SPEN: variants seen among roughly 807,000 people sequenced by gnomAD.
SPEN encodes the protein spen family transcriptional repressor.
Under a neutral mutation model 269.9 loss-of-function variants are expected in SPEN, and 18 were observed. The ratio of observed to expected loss-of-function variants is 0.07; its 90% CI spans 0.05 to 0.10. The LOEUF is 0.10. Ranked by LOEUF, SPEN falls within the 10% of genes least tolerant of loss-of-function variation. The pLI, the probability that SPEN is intolerant of heterozygous loss-of-function variation, is 1.00. For missense variants in SPEN, 3,822 were observed against 4,631.2 expected (o/e 0.83, Z 5.07); for synonymous variants, 1,726 against 1,765.7 (o/e 0.98, Z 0.56).
At position 15,933,941 on chromosome 1, in the gene SPEN, C is replaced by T. The variant is rs751023845; in HGVS notation, c.7701C>T (p.Cys2567=). The change falls in exon 11 of 15, where the codon TGC becomes TGT. Residue 2567 remains cysteine (C), a synonymous_variant. Transcript: ENST00000375759. The surrounding 1 kb of genome is among the most constrained non-coding windows in gnomAD (Gnocchi z 5.7). ...CAGAGCCTGTCAGTGCTGCCCCTTG[C>T]CTACATGAGGCCCCGCCCCCGCCAG... The part of the protein sequence containing the change: ...AIAEPVSAAP[C]LHEAPPPPVD... 2 of 1,614,026 alleles carry T rather than the reference C, an allele frequency of 1.2e-6. No homozygotes were observed. Among genetic ancestry groups the T allele is most frequent in the Non-Finnish European group, 1.7e-6 (2 of 1,179,958 alleles).
At position 15,931,896 on chromosome 1, in the gene SPEN, G is replaced by A. The variant is rs1157751918; in HGVS notation, c.5656G>A (p.Asp1886Asn). 1 of 1,614,120 alleles carries A rather than the reference G, an allele frequency of 6.2e-7. No homozygotes were observed. Among genetic ancestry groups the A allele is most frequent in the East Asian group, 2.2e-5 (1 of 44,904 alleles). Residue 1886 changes from aspartate to asparagine, a missense_variant, in exon 11 of 15, where the codon GAC becomes AAC. By Grantham distance (23) the Asp-to-Asn change is conservative. Coordinates refer to ENST00000375759, the MANE Select transcript of SPEN (RefSeq NM_015001.3). The surrounding 1 kb of genome is among the most constrained non-coding windows in gnomAD (Gnocchi z 4.8). Reference sequence around the variant, plus strand: ...GACTGCTTCTAAAAACTCTGCTGCAGACCTTGAACATCCCGAACCAAGTTT... The same window carrying A: ...GACTGCTTCTAAAAACTCTGCTGCAAACCTTGAACATCCCGAACCAAGTTT... The part of the protein sequence containing the change: ...TRTASKNSAA[D>N]LEHPEPSLPL...
chr1:15,910,935 A>G (rs1206743404), intron 4 of SPEN, among the ~76,000 whole-genome samples, 166 bp from the exon 5 acceptor site: 2 of 152,202 alleles, frequency 1.3e-5, no homozygotes, highest in Non-Finnish European at 2.9e-5. Context: ...TTGGGTTTTC[A>G]TGCTGTGTGA....
intron 1 of SPEN, among the ~76,000 whole-genome samples, chr1:15,865,073 A>G (rs1039688958): frequency 2.0e-5 from 3 of 151,458 alleles, no homozygotes; most frequent in African/African-American, 7.3e-5. Context: ...TTTTTTTGAG[A>G]TGGAGTCTCA....
chr1:15,861,718 C>T (rs1557735106), intron 1 of SPEN, among the ~76,000 whole-genome samples: 1 of 151,862 alleles, frequency 6.6e-6, no homozygotes, highest in Non-Finnish European at 1.5e-5. Context: ...CTTTAAACAT[C>T]CTCTCACCTT....
chr1:15,867,411 T>G (rs953982469), intron 1 of SPEN, among the ~76,000 whole-genome samples: 7 of 152,318 alleles, frequency 4.6e-5, no homozygotes, highest in African/African-American at 1.4e-4. Flanking sequence ...TTGCGCAGGC[T>G]GGTCTCCAAT....
chr1:15,865,911 C>G (rs1451336255), intron 1 of SPEN, among the ~76,000 whole-genome samples: 2 of 147,538 alleles, frequency 1.4e-5, no homozygotes, highest in African/African-American at 5.0e-5. Flanking sequence ...CTCACTCTTG[C>G]CCAAACTGTA....
At chr1:15,898,307 C>A (rs1251619836) in intron 3 of SPEN, among the ~76,000 whole-genome samples, 1 of 151,802 alleles carries the variant, frequency 6.6e-6, no homozygotes, top group African/African-American at 2.4e-5. Flanking sequence ...CCATCTATCT[C>A]CAGAACTTTT....
At chr1:15,901,188 TAAA>T (rs986794679) in intron 3 of SPEN, among the ~76,000 whole-genome samples, 4 of 138,898 alleles carry the variant, frequency 2.9e-5, no homozygotes, top group African/African-American at 1.1e-4. Context: ...CCTCGTCCCT[TAAA>T]AAAAAAAAAG....
At chr1:15,918,796 G>GT (rs1463170187) in intron 6 of SPEN, 130 bp from the exon 7 acceptor site, 8 of 708,504 alleles carry the variant, frequency 1.1e-5, no homozygotes, top group Middle Eastern at 4.0e-4. Flanking sequence ...AAGGTGTACA[G>GT]TTTTTTTAAC....
chr1:15,872,122 C>T (rs772134219), intron 1 of SPEN, among the ~76,000 whole-genome samples: 65 of 150,558 alleles, frequency 4.3e-4, no homozygotes, highest in Non-Finnish European at 8.0e-4. Context: ...CCTGTAATCC[C>T]GGCTTCTTGG....
chr1:15,895,459 A>G (rs1251926350), intron 3 of SPEN, among the ~76,000 whole-genome samples: 2 of 152,098 alleles, frequency 1.3e-5, no homozygotes, highest in Admixed American at 1.3e-4. Context: ...TTAGCATAAT[A>G]TTTTCAAGGC....
chr1:15,933,439 C>T lies in SPEN; in HGVS notation c.7199C>T (p.Ser2400Phe), dbSNP rs988832507. 4 of 1,614,032 alleles carry T rather than the reference C, an allele frequency of 2.5e-6. No homozygotes were observed. In the African/African-American group the frequency reaches 4.0e-5, roughly 16 times the overall value. Residue 2400 changes from serine (S) to phenylalanine (F), a missense_variant, in exon 11 of 15, where the codon TCT (serine) becomes TTT (phenylalanine). By Grantham distance (155) the Ser-to-Phe change is radical. This residue lies in a region of SPEN where 727 missense variants were observed against 737.9 expected (regional missense o/e 0.99). Transcript: ENST00000375759. This position sits in a 1 kb window ranked among gnomAD's most constrained non-coding sequence, Gnocchi z 5.7. ...TCCACTCCTCCTCAGTCATGTACTTCTGACCTAAGCAAGATTCCCTCCACA... is the reference window on the plus strand; with the variant it reads ...TCCACTCCTCCTCAGTCATGTACTTTTGACCTAAGCAAGATTCCCTCCACA... ...PHSTPPQSCT[S>F]DLSKIPSTEN...
At chr1:15,938,059 G>A (rs2071295179) in intron 13 of SPEN, 53 bp downstream of exon 13, 5 of 1,489,772 alleles carry the variant, frequency 3.4e-6, no homozygotes, top group East Asian at 2.3e-5. Flanking sequence ...GGAGGAAGAC[G>A]TAGGTAGTCC....
intron 3 of SPEN, among the ~76,000 whole-genome samples, chr1:15,905,837 T>G (rs909166285): frequency 1.3e-5 from 2 of 152,242 alleles, no homozygotes; most frequent in African/African-American, 4.8e-5. Context: ...CCTCCCAAAG[T>G]GCTGGGATTA....
At chr1:15,868,439 T>C (rs909345123) in intron 1 of SPEN, among the ~76,000 whole-genome samples, 3 of 115,256 alleles carry the variant, frequency 2.6e-5, no homozygotes, top group African/African-American at 1.2e-4. Flanking sequence ...AGAATAAAAC[T>C]TTTTTTTTTT....
intron 3 of SPEN, among the ~76,000 whole-genome samples, chr1:15,879,125 G>C (rs1490441766): frequency 6.6e-6 from 1 of 151,634 alleles, no homozygotes; most frequent in African/African-American, 2.4e-5. Flanking sequence ...GATCACTTGA[G>C]GTCGGTCAGG....
intron 3 of SPEN, among the ~76,000 whole-genome samples, chr1:15,905,393 T>C (rs1316636226): frequency 6.7e-6 from 1 of 149,898 alleles, no homozygotes; most frequent in Non-Finnish European, 1.5e-5. Flanking sequence ...AGCTAACTTT[T>C]GTATTTTTAG....
At chr1:15,867,128 T>G (rs1454051208) in intron 1 of SPEN, among the ~76,000 whole-genome samples, 1 of 152,188 alleles carries the variant, frequency 6.6e-6, no homozygotes, top group African/African-American at 2.4e-5. Context: ...CCCACATCCA[T>G]TAGCAGTCAT....
At chr1:15,938,346 C>T (rs2071299570) in intron 13 of SPEN, among the ~76,000 whole-genome samples, 1 of 152,082 alleles carries the variant, frequency 6.6e-6, no homozygotes, top group South Asian at 2.1e-4. Context: ...GAACTCCTGA[C>T]CTCAAGTGAT....
Sources: gnomAD v4.1 joint callset for allele counts (sites outside exome capture counted in the v4.1 genomes callset) on GRCh38, gnomAD v4.1.1 for gene constraint, gnomAD v4.1.1 regional missense constraint, Gnocchi (gnomAD v3.1) non-coding constraint, MANE v1.5 for transcripts, NCBI Gene and HGNC (gene_info 2026-07-23, HGNC 2026-07-21) for gene names.